Variants in STYXL2 observed in about 807,000 individuals in gnomAD.
STYXL2 encodes serine/threonine/tyrosine-interacting-like protein 2.
Under a neutral mutation model 52.4 loss-of-function variants are expected in STYXL2, and 44 were observed. The ratio of observed to expected loss-of-function variants is 0.84; its 90% CI spans 0.66 to 1.08. STYXL2 has a LOEUF of 1.08. Among genes scored for constraint, STYXL2 ranks in the 50% least tolerant of loss-of-function variants. STYXL2 has a pLI of 0.00. For synonymous variants in STYXL2, 604 were observed against 586.9 expected (o/e 1.03, Z -0.42); for missense variants, 1,604 against 1,471.7 (o/e 1.09, Z -1.47).
intron 3 of STYXL2, 38 bp downstream of exon 3, chr1:167,113,842 T>C: frequency 6.6e-7 from 1 of 1,507,164 alleles, no homozygotes; most frequent in Non-Finnish European, 9.2e-7. Flanking sequence ...CAAAGTCCAG[T>C]GGTCATCTGG....
chr1:167,121,017 C>CTT lies in STYXL2; in HGVS notation c.655+1562_655+1563dup, dbSNP rs11404266. Among the ~76,000 whole-genome samples the CTT allele has an allele frequency of 3.1e-3, 435 of 141,072 alleles. 2 individuals carry two copies. The highest frequency in any genetic ancestry group is 7.1e-3 in the Middle Eastern group (2 of 280). The allele number at this position is 141,072 out of a possible 152,430, so 92.5% of individuals were successfully genotyped here. ...TCCTTTTTTCAATGCTTAAAAACTC[C>CTT]TTTTTTTTTTTTAGGCGGAGTCTCG... On this transcript the variant is annotated intron_variant, in intron 5 of 5. Transcript: ENST00000361200.
chr1:167,098,131 C>A (rs1289157721), intron 2 of STYXL2, among the ~76,000 whole-genome samples: 1 of 151,290 alleles, frequency 6.6e-6, no homozygotes. Flanking sequence ...CCTGCCTCAG[C>A]CTCCAGAGTA....
At chr1:167,115,274 T>G (rs1667701698) in intron 3 of STYXL2, among the ~76,000 whole-genome samples, 1 of 152,220 alleles carries the variant, frequency 6.6e-6, no homozygotes, top group Non-Finnish European at 1.5e-5. Context: ...CACTAGTGAT[T>G]ACAGGGGTAA....
At chr1:167,125,302 G>A (rs1667939107) in intron 5 of STYXL2, among the ~76,000 whole-genome samples, 1 of 152,172 alleles carries the variant, frequency 6.6e-6, no homozygotes, top group African/African-American at 2.4e-5. Flanking sequence ...GTGAGCTAAT[G>A]AGCTCCCTGT....
In STYXL2 at chr1:167,126,518, G is replaced by C; in HGVS notation, c.1387G>C (p.Gly463Arg). The change falls in exon 6 of 6, where the codon GGC (glycine) becomes CGC (arginine). Residue 463 changes from glycine (G) to arginine (R), a missense_variant. Physicochemically the swap from Gly to Arg is moderately radical, Grantham distance 125. Transcript: ENST00000361200. Reference protein sequence around the residue: ...QQLELNRPDHGRRRRADSMSS... With the variant: ...QQLELNRPDHRRRRRADSMSS... Reference sequence around the variant, plus strand: ...GCTGGAGCTGAACCGCCCGGACCACGGCAGGAGGCGCCGCGCAGACTCGAT... The same window carrying C: ...GCTGGAGCTGAACCGCCCGGACCACCGCAGGAGGCGCCGCGCAGACTCGAT... 1 of 1,612,906 alleles carries C rather than the reference G, an allele frequency of 6.2e-7. No individual in the cohort carries two copies. Among genetic ancestry groups the C allele is most frequent in the South Asian group, 1.1e-5 (1 of 90,900 alleles).
Position 167,126,818 on chromosome 1 carries a change from G to A in STYXL2, c.1687G>A (p.Ala563Thr). ...TGGATTTCACAAGAAAGACTTGGGA[G>A]CGGGAGACAGCAGCGGTGAGCCCGG... ...QFGFHKKDLG[A>T]GDSSGEPGAE... Residue 563 changes from alanine to threonine, a missense_variant, in exon 6 of 6, where the codon GCG becomes ACG. Physicochemically the swap from Ala to Thr is moderately conservative, Grantham distance 58 (BLOSUM62 0). Coordinates refer to ENST00000361200, the MANE Select transcript of STYXL2 (RefSeq NM_001080426.3). 1 of 1,614,238 alleles carries A rather than the reference G, an allele frequency of 6.2e-7. No homozygotes were observed. The highest frequency in any genetic ancestry group is 2.2e-5 in the East Asian group (1 of 44,878).
intron 2 of STYXL2, among the ~76,000 whole-genome samples, chr1:167,111,528 A>G (rs971783102): frequency 1.4e-5 from 2 of 140,266 alleles, no homozygotes; most frequent in African/African-American, 5.2e-5. Context: ...ACACACACAC[A>G]CAAATATATA....
At position 167,127,943 on chromosome 1, in the gene STYXL2, T is replaced by A. The variant is rs765848348; in HGVS notation, c.2812T>A (p.Trp938Arg). Residue 938 changes from tryptophan (W) to arginine (R), a missense_variant, in exon 6 of 6, where the codon TGG (tryptophan) becomes AGG (arginine). By Grantham distance (101) the Trp-to-Arg change is moderately radical (BLOSUM62 -3). Coordinates refer to ENST00000361200, the MANE Select transcript of STYXL2 (RefSeq NM_001080426.3). ...AGAGATGGATAGCAGTATTAATAAG[T>A]GGCTCAGTGGCCTCAGGACGGAGGA... ...GKEMDSSINK[W>R]LSGLRTEEKP... The A allele has an allele frequency of 1.2e-6, 2 of 1,614,140 alleles. No homozygotes were observed. Among genetic ancestry groups the A allele is most frequent in the South Asian group, 2.2e-5 (2 of 91,084 alleles).
At chr1:167,114,129 C>A (rs1667676784) in intron 3 of STYXL2, among the ~76,000 whole-genome samples, 1 of 152,044 alleles carries the variant, frequency 6.6e-6, no homozygotes, top group African/African-American at 2.4e-5. Flanking sequence ...CGAGAAATGG[C>A]CAGAAGCATC....
intron 5 of STYXL2, among the ~76,000 whole-genome samples, chr1:167,123,455 C>T (rs1667900131): frequency 6.6e-6 from 1 of 152,160 alleles, no homozygotes; most frequent in African/African-American, 2.4e-5. Context: ...CTCGTGATTC[C>T]ACCTCCAAAG....
At position 167,094,884 on chromosome 1, in the gene STYXL2, T is replaced by C. The variant is rs1571327268; in HGVS notation, c.35T>C (p.Val12Ala). 6.2e-7 allele frequency: 1 copy of C among 1,613,288 alleles called. No homozygotes were observed. The highest frequency in any genetic ancestry group is 8.5e-7 in the Non-Finnish European group (1 of 1,179,792). ...AGAAAGGACACAGAGGAGGAGCAGG[T>C]AGTCCCAAGCGAGGAGGACGAAGCC... ...ATRKDTEEEQ[V>A]VPSEEDEANV... Residue 12 changes from valine to alanine, a missense_variant, in exon 2 of 6, where the codon GTA becomes GCA. Coordinates refer to ENST00000361200, the MANE Select transcript of STYXL2 (RefSeq NM_001080426.3).
intron 2 of STYXL2, among the ~76,000 whole-genome samples, chr1:167,102,293 T>G (rs1667419815): frequency 1.5e-5 from 2 of 133,268 alleles, no homozygotes; most frequent in African/African-American, 6.0e-5. Context: ...ATAATAAAGC[T>G]GTTTTTTAAA....
At chr1:167,095,199 G>A (rs929722199) in intron 2 of STYXL2, among the ~76,000 whole-genome samples, 1 of 149,794 alleles carries the variant, frequency 6.7e-6, no homozygotes, top group Admixed American at 6.7e-5. Flanking sequence ...TGGTGGACTA[G>A]ACAATAGGGA....
At chr1:167,111,463 A>T (rs918987740) in intron 2 of STYXL2, among the ~76,000 whole-genome samples, 1 of 132,912 alleles carries the variant, frequency 7.5e-6, no homozygotes, top group Admixed American at 7.9e-5. Context: ...TAAGGAAAAT[A>T]TGGTACATAT....
chr1:167,097,837 C>T (rs1031022229), intron 2 of STYXL2, among the ~76,000 whole-genome samples: 4 of 151,824 alleles, frequency 2.6e-5, no homozygotes, highest in Admixed American at 6.6e-5. Flanking sequence ...TTTAAAAAGG[C>T]TACATGCTGT....
Position 167,119,184 on chromosome 1 carries a change from G to T in STYXL2, c.438-65G>T. 3 of 1,505,610 alleles carry T rather than the reference G, an allele frequency of 2.0e-6. No individual in the cohort carries two copies. In the South Asian group the frequency reaches 3.5e-5, roughly 18 times the overall value. 93.3% of individuals were successfully genotyped at this position (1,505,610 alleles called of 1,614,324 possible). The stretch of plus-strand genomic sequence containing the variant: ...CTAGACTGGCTGAGGCAGGCTCACC[G>T]TCACAGTGGTGACACACCTTTCTAG... On this transcript the variant is annotated intron_variant, in intron 4 of 5. Coordinates refer to ENST00000361200, the MANE Select transcript of STYXL2 (RefSeq NM_001080426.3).
In STYXL2 at chr1:167,128,117, G is replaced by A. The variant is rs1342783338; in HGVS notation, c.2986G>A (p.Ala996Thr). 6.2e-7 allele frequency: 1 copy of A among 1,614,066 alleles called. No homozygotes were observed. Among genetic ancestry groups the A allele is most frequent in the Admixed American group, 1.7e-5 (1 of 60,008 alleles). ...ACAGGACACCTCCTCCTACCACGAG[G>A]CAAATGGCAACTCTGTAAGAAGCAC... is the stretch of plus-strand genomic sequence containing the variant. ...EEQDTSSYHEANGNSVRSTSR... is the reference protein window; with the variant it reads ...EEQDTSSYHETNGNSVRSTSR... Residue 996 changes from alanine to threonine, a missense_variant, in exon 6 of 6, where the codon GCA becomes ACA. Transcript: ENST00000361200.
chr1:167,103,749 G>T (rs1260435279), intron 2 of STYXL2, among the ~76,000 whole-genome samples: 1 of 152,078 alleles, frequency 6.6e-6, no homozygotes, highest in Non-Finnish European at 1.5e-5. Context: ...CCTGTCAGTG[G>T]GGGAGCTTGG....
intron 2 of STYXL2, among the ~76,000 whole-genome samples, chr1:167,103,597 A>C (rs1417929530): frequency 1.3e-5 from 2 of 152,212 alleles, no homozygotes; most frequent in Non-Finnish European, 1.5e-5. Context: ...TGAGTTAGGC[A>C]CTAACTTCAA....
Sources: allele counts gnomAD v4.1 joint callset (sites outside exome capture counted in the v4.1 genomes callset), GRCh38; gene constraint gnomAD v4.1.1; transcripts MANE v1.5; gene names NCBI Gene and HGNC (gene_info 2026-07-23, HGNC 2026-07-21).